The following DLGAP1 variants were observed in gnomAD, a reference collection of about 807,000 sequenced individuals.
The protein encoded by DLGAP1 is disks large-associated protein 1.
Under a neutral mutation model 90.8 loss-of-function variants are expected in DLGAP1, and 11 were observed. The ratio of observed to expected loss-of-function variants is 0.12; its 90% confidence interval spans 0.08 to 0.20. The LOEUF is 0.20. DLGAP1 is among the 10% of genes least tolerant of loss of function. The probability of loss-of-function intolerance (pLI) is 1.00; values close to 1 mark genes in which losing one functional copy is unlikely to be tolerated. For synonymous variants in DLGAP1, 558 were observed against 540.7 expected (o/e 1.03, Z -0.44); for missense variants, 1,050 against 1,333.8 (o/e 0.79, Z 3.31).
intron 3 of DLGAP1, among the ~76,000 whole-genome samples, chr18:3,904,053 C>G (rs1364728624): frequency 6.6e-6 from 1 of 152,186 alleles, no homozygotes; most frequent in East Asian, 1.9e-4. Flanking sequence ...AATTTTCCTT[C>G]CTGACCCTAG....
At chr18:3,642,999 A>G (rs112931543) in intron 7 of DLGAP1, among the ~76,000 whole-genome samples, 3 of 152,334 alleles carry the variant, frequency 2.0e-5, no homozygotes, top group African/African-American at 7.2e-5. Context: ...CAAGTTATTC[A>G]TTGTGGCATT....
At chr18:4,362,784 C>G (rs868549417) in intron 1 of DLGAP1, among the ~76,000 whole-genome samples, 1 of 151,908 alleles carries the variant, frequency 6.6e-6, no homozygotes, top group African/African-American at 2.4e-5. Flanking sequence ...TGAAAATGTT[C>G]AAAAATAACA....
At chr18:4,451,454 C>T (rs140800952) in intron 1 of DLGAP1, among the ~76,000 whole-genome samples, 88 of 152,214 alleles carry the variant, frequency 5.8e-4, no homozygotes, top group African/African-American at 1.7e-3. Context: ...CTCATACAAT[C>T]GGTTATCTGT....
intron 6 of DLGAP1, among the ~76,000 whole-genome samples, chr18:3,740,971 T>C (rs1203343840): frequency 6.3e-4 from 43 of 68,454 alleles, no homozygotes; most frequent in Middle Eastern, 0.012. Flanking sequence ...ACCACCACCA[T>C]CACATCACCA....
chr18:4,139,289 G>A (rs189021551), intron 2 of DLGAP1, among the ~76,000 whole-genome samples: 4 of 151,744 alleles, frequency 2.6e-5, no homozygotes, highest in Admixed American at 6.6e-5. Context: ...CGCTGCTTTC[G>A]CTGTATCACA....
intron 10 of DLGAP1, among the ~76,000 whole-genome samples, chr18:3,529,413 A>G (rs2051851270): frequency 1.3e-5 from 2 of 152,212 alleles, no homozygotes; most frequent in South Asian, 4.1e-4. Context: ...TAAATTACCC[A>G]GTCTAGGGTA....
chr18:3,822,241 G>T (rs2067463064), intron 4 of DLGAP1, among the ~76,000 whole-genome samples: 1 of 152,044 alleles, frequency 6.6e-6, no homozygotes, highest in Non-Finnish European at 1.5e-5. Flanking sequence ...TCTTTAAATA[G>T]AATTTATACC....
chr18:4,141,044 T>C (rs926643846), intron 2 of DLGAP1, among the ~76,000 whole-genome samples: 2 of 152,048 alleles, frequency 1.3e-5, no homozygotes, highest in South Asian at 2.1e-4. Flanking sequence ...TGGTGTTCTA[T>C]ATGCTTCTTG....
intron 3 of DLGAP1, among the ~76,000 whole-genome samples, chr18:3,980,657 G>C (rs778819132): frequency 6.6e-6 from 1 of 152,078 alleles, no homozygotes; most frequent in Non-Finnish European, 1.5e-5. Context: ...TCACTGCACT[G>C]TTCTCTCTCT....
At chr18:3,738,937 C>A (rs1354601048) in intron 6 of DLGAP1, among the ~76,000 whole-genome samples, 451 of 148,322 alleles carry the variant, frequency 3.0e-3, no homozygotes, top group Middle Eastern at 7.3e-3. Context: ...AAGAAAAAAA[C>A]AAACAACCCC....
chr18:4,398,566 A>T (rs2082485999), intron 1 of DLGAP1, among the ~76,000 whole-genome samples: 1 of 152,212 alleles, frequency 6.6e-6, no homozygotes, highest in Non-Finnish European at 1.5e-5. Flanking sequence ...AAATGTTTTG[A>T]AACTGATGGA....
chr18:3,541,055 G>A (rs139699974), intron 9 of DLGAP1, among the ~76,000 whole-genome samples: 81 of 152,184 alleles, frequency 5.3e-4, no homozygotes, highest in African/African-American at 1.5e-3. Flanking sequence ...CTTTACCTCC[G>A]CAACTGGAAG....
intron 1 of DLGAP1, among the ~76,000 whole-genome samples, chr18:4,343,427 T>C (rs1295287510): frequency 6.6e-6 from 1 of 152,056 alleles, no homozygotes; most frequent in African/African-American, 2.4e-5. Flanking sequence ...AGTGGTAGTA[T>C]CCTGATTACT....
At chr18:3,812,841 C>T (rs1014161882) in intron 5 of DLGAP1, among the ~76,000 whole-genome samples, 2 of 152,164 alleles carry the variant, frequency 1.3e-5, no homozygotes, top group African/African-American at 4.8e-5. Context: ...CTTAACTCGA[C>T]TGCTTTGATT....
In DLGAP1 at chr18:4,396,691, C is replaced by T. The variant is rs531054912; in HGVS notation, c.-267+58315G>A. Among the ~76,000 whole-genome samples, 13 of 152,124 alleles carry T rather than the reference C, an allele frequency of 8.5e-5. No homozygotes were observed. In the South Asian group the frequency reaches 2.7e-3, roughly 32 times the overall value. ...AGGGCTTGGGTGACCAAAAGAAGTA[C>T]AAAAGGAAGAGCAAGAGAGAGAAAC... On this transcript the variant is annotated intron_variant, in intron 1 of 12. Transcript: ENST00000315677.
intron 2 of DLGAP1, among the ~76,000 whole-genome samples, chr18:4,090,996 A>T (rs1456787385): frequency 6.6e-6 from 1 of 152,230 alleles, no homozygotes; most frequent in African/African-American, 2.4e-5. Context: ...ACAAGAACAG[A>T]AAAGCAAACA....
In DLGAP1 at chr18:4,360,437, G is replaced by A. The variant is rs534723191; in HGVS notation, c.-267+94569C>T. Among the ~76,000 whole-genome samples, 7 of 152,222 alleles carry A rather than the reference G, an allele frequency of 4.6e-5. No individual in the cohort carries two copies. The South Asian group carries it at 6.2e-4, about 14-fold the overall frequency. On this transcript the variant is annotated intron_variant, in intron 1 of 12. Coordinates refer to ENST00000315677, the MANE Select transcript of DLGAP1 (RefSeq NM_004746.4). ...GGAAATGGAGATAGAAGAGAAATGCGAATCAAAAGGTGGAACTCACGAAAG... is the reference window on the plus strand; with the variant it reads ...GGAAATGGAGATAGAAGAGAAATGCAAATCAAAAGGTGGAACTCACGAAAG...
At chr18:4,308,717 G>A (rs1042497925) in intron 1 of DLGAP1, among the ~76,000 whole-genome samples, 1 of 152,292 alleles carries the variant, frequency 6.6e-6, no homozygotes, top group East Asian at 1.9e-4. Context: ...GTAGGAAAGG[G>A]GAAGAAAAAC....
chr18:3,537,725 A>T (rs1247792701), intron 9 of DLGAP1, among the ~76,000 whole-genome samples: 5 of 152,204 alleles, frequency 3.3e-5, no homozygotes, highest in African/African-American at 1.2e-4. Flanking sequence ...TTGCATTCCC[A>T]TCAACAGTGC....
Sources: gnomAD v4.1 joint callset for allele counts (sites outside exome capture counted in the v4.1 genomes callset) on GRCh38, gnomAD v4.1.1 for gene constraint, MANE v1.5 for transcripts, NCBI Gene and HGNC (gene_info 2026-07-23, HGNC 2026-07-21) for gene names.